The following C10orf143 variants were observed in gnomAD, a reference collection of about 807,000 sequenced individuals.
C10orf143 encodes chromosome 10 open reading frame 143.
chr10:130,103,013 T>C (rs1369452072), intron 1 of C10orf143, among the ~76,000 whole-genome samples: 1 of 152,022 alleles, frequency 6.6e-6, no homozygotes, highest in Non-Finnish European at 1.5e-5. Context: ...TTCGCTCTTG[T>C]TGCCACCCAG....
At chr10:130,110,336 C>T (rs1861739522) in intron 1 of C10orf143, among the ~76,000 whole-genome samples, 1 of 152,204 alleles carries the variant, frequency 6.6e-6, no homozygotes, top group Admixed American at 6.5e-5. Flanking sequence ...GACTCAGGAA[C>T]AGTCAGGTGT....
At chr10:130,081,726 A>G (rs1861213064) in intron 1 of C10orf143, among the ~76,000 whole-genome samples, 1 of 17,032 alleles carries the variant, frequency 5.9e-5, no homozygotes, top group Admixed American at 6.4e-4. Flanking sequence ...AACTGAGAGG[A>G]AAGAATTTAA....
downstream of C10orf143, among the ~76,000 whole-genome samples, chr10:130,059,331 AAAC>A (rs1381797189): frequency 4.6e-5 from 7 of 152,240 alleles, no homozygotes; most frequent in Admixed American, 4.6e-4. Flanking sequence ...ATATCATTGA[AAAC>A]AAAGTGAAAA....
chr10:130,079,665 A>G, intron 2 of C10orf143, 37 bp from the exon 3 acceptor site: 2 of 398,978 alleles, frequency 5.0e-6, no homozygotes, highest in Non-Finnish European at 8.8e-6. Flanking sequence ...ATATCAGAAC[A>G]ATGATTATTT....
At chr10:130,060,066 CAGGCAGG>C (rs1860837576), downstream of C10orf143, among the ~76,000 whole-genome samples, 1 of 37,734 alleles carries the variant, frequency 2.7e-5, no homozygotes, top group Non-Finnish European at 7.6e-5. Flanking sequence ...TGGGAACAGG[CAGGCAGG>C]ACTGGCAGTG....
chr10:130,055,890 G>GAA (rs1336315247), intron 3 of C10orf143, among the ~76,000 whole-genome samples: 2 of 138,706 alleles, frequency 1.4e-5, no homozygotes, highest in Non-Finnish European at 1.5e-5. Context: ...AGGTTGCAGT[G>GAA]AGCTGAGATC....
intron 1 of C10orf143, chr10:130,107,098 T>A: frequency 6.3e-7 from 1 of 1,593,080 alleles, no homozygotes; most frequent in Non-Finnish European, 8.6e-7. Context: ...TTACAGAGCA[T>A]ATTAAAAATC....
At chr10:130,058,899 C>T (rs1020240761), downstream of C10orf143, among the ~76,000 whole-genome samples, 5 of 152,114 alleles carry the variant, frequency 3.3e-5, no homozygotes, top group Non-Finnish European at 7.4e-5. Flanking sequence ...CACATTTATT[C>T]GCTCTTCTGC....
chr10:130,100,309 G>A (rs7921614), intron 1 of C10orf143, among the ~76,000 whole-genome samples: 87,468 of 151,432 alleles, frequency 0.58, 26,675 homozygotes, highest in Admixed American at 0.7. Context: ...AGGCAGGTGG[G>A]TGACGAGGTC....
In C10orf143 at chr10:130,100,939, C is replaced by CG. The variant is rs1861538562; in HGVS notation, c.69+9764dup. Among the ~76,000 whole-genome samples, 5 of 152,098 alleles carry CG rather than the reference C, an allele frequency of 3.3e-5. No homozygotes were observed. In the South Asian group the frequency reaches 1.0e-3, roughly 32 times the overall value. The stretch of plus-strand genomic sequence containing the variant: ...TGTTGAAAGCTATAATAGCTGAGGC[C>CG]GGGCATGGTGGCTTACATCTATAAT... On this transcript the variant is annotated intron_variant, in intron 1 of 3. Coordinates refer to ENST00000637128, the MANE Select transcript of C10orf143 (RefSeq NM_001355042.2).
chr10:130,099,812 C>T (rs181809412), intron 1 of C10orf143, among the ~76,000 whole-genome samples: 2,521 of 150,358 alleles, frequency 0.017, 33 homozygotes, highest in Middle Eastern at 0.055. Flanking sequence ...ACAGCCACCA[C>T]GCTCAACCTA....
intron 1 of C10orf143, among the ~76,000 whole-genome samples, chr10:130,083,850 A>T (rs1381475522): frequency 6.9e-6 from 1 of 145,546 alleles, no homozygotes; most frequent in African/African-American, 2.5e-5. Flanking sequence ...CTCTGCATTA[A>T]AGCACCAGAG....
At position 130,107,606 on chromosome 10, in the gene C10orf143, T is replaced by C. The variant is rs751175030; in HGVS notation, c.69+3098A>G. 9 of 1,343,630 alleles carry C rather than the reference T, an allele frequency of 6.7e-6. No individual in the cohort carries two copies. In the Admixed American group the frequency reaches 1.4e-4, roughly 20 times the overall value. The allele number at this position is 1,343,630 out of a possible 1,614,324, so 83.2% of individuals were successfully genotyped here. A position where few individuals can be genotyped will look rare whatever the true frequency, so the allele number is the denominator to read the frequency against. ...AGAGCATTCCCCATATGGTCCCTCA[T>C]CATTGGGTCGGCCTTCATCTGAAAC... On this transcript the variant is annotated intron_variant, in intron 1 of 3. Coordinates refer to ENST00000637128, the MANE Select transcript of C10orf143 (RefSeq NM_001355042.2).
At chr10:130,095,235 G>A (rs1014904156) in intron 1 of C10orf143, among the ~76,000 whole-genome samples, 1 of 151,422 alleles carries the variant, frequency 6.6e-6, no homozygotes, top group Non-Finnish European at 1.5e-5. Context: ...CAACTTACAA[G>A]GGATGTGAAG....
At chr10:130,106,178 A>G (rs766865276) in intron 1 of C10orf143, 3 of 888,722 alleles carry the variant, frequency 3.4e-6, no homozygotes, top group Non-Finnish European at 1.9e-6. Context: ...GGAAATGGTG[A>G]TATGTGCAGC....
chr10:130,036,119 T>C (rs1321639033), intron 3 of C10orf143: 1 of 152,184 alleles, frequency 6.6e-6, no homozygotes, highest in African/African-American at 2.4e-5. Context: ...ACACTGGGAG[T>C]TAAGGCTTCA....
chr10:130,074,076 G>A (rs1861075085), intron 3 of C10orf143, among the ~76,000 whole-genome samples: 1 of 152,216 alleles, frequency 6.6e-6, no homozygotes, highest in Admixed American at 6.5e-5. Context: ...AGTTCTCATA[G>A]GGTGTTCGAG....
At chr10:130,068,628 A>AG (rs1554946643) in intron 3 of C10orf143, 6 of 151,410 alleles carry the variant, frequency 4.0e-5, no homozygotes, top group African/African-American at 9.7e-5. Flanking sequence ...AAAAAAAAAA[A>AG]AAGAAGATTA....
chr10:130,087,600 G>C (rs1260981247), intron 1 of C10orf143, among the ~76,000 whole-genome samples: 2 of 152,198 alleles, frequency 1.3e-5, no homozygotes, highest in African/African-American at 4.8e-5. Context: ...CATTTGTTGA[G>C]GGGGACTTCT....
Sources: allele counts gnomAD v4.1 joint callset (sites outside exome capture counted in the v4.1 genomes callset), GRCh38; gene constraint gnomAD v4.1.1; transcripts MANE v1.5; gene names NCBI Gene and HGNC (gene_info 2026-07-23, HGNC 2026-07-21).